The following CCDC73 variants were observed in gnomAD, a reference collection of about 807,000 sequenced individuals.
CCDC73 encodes coiled-coil domain-containing protein 73.
CCDC73 carries 95 observed loss-of-function variants against 116.5 expected under a neutral mutation model. The ratio of observed to expected loss-of-function variants is 0.82; its 90% confidence interval spans 0.69 to 0.97. The LOEUF is 0.97. Ranked by LOEUF, CCDC73 falls within the 50% of genes least tolerant of loss-of-function variation. The probability of loss-of-function intolerance (pLI) is 0.00; values close to 1 mark genes in which losing one functional copy is unlikely to be tolerated. For missense variants in CCDC73, 1,066 were observed against 1,206.8 expected, an observed-to-expected ratio of 0.88 and a Z score of 1.73; for synonymous variants, 398 against 401.3, an observed-to-expected ratio of 0.99 and a Z score of 0.10.
chr11:32,678,696 C>T (rs1323866909), intron 7 of CCDC73, among the ~76,000 whole-genome samples: 4 of 151,856 alleles, frequency 2.6e-5, no homozygotes, highest in Non-Finnish European at 5.9e-5. Flanking sequence ...CCAGCCTGGC[C>T]AACATGGTGA....
At chr11:32,786,857 T>G (rs930295122) in intron 1 of CCDC73, among the ~76,000 whole-genome samples, 2 of 152,162 alleles carry the variant, frequency 1.3e-5, no homozygotes, top group Admixed American at 6.5e-5. Context: ...TAATTTGACC[T>G]GTAGATAGTC....
intron 3 of CCDC73, among the ~76,000 whole-genome samples, chr11:32,715,962 C>T (rs1019272588): frequency 2.0e-5 from 3 of 152,042 alleles, no homozygotes; most frequent in African/African-American, 7.2e-5. Flanking sequence ...CAATCCCCAT[C>T]AATATCCTCC....
At chr11:32,668,703 G>A (rs1450821752) in intron 9 of CCDC73, among the ~76,000 whole-genome samples, 1 of 152,074 alleles carries the variant, frequency 6.6e-6, no homozygotes, top group South Asian at 2.1e-4. Flanking sequence ...CTCCATTCAA[G>A]GTAACAACCA....
intron 13 of CCDC73, among the ~76,000 whole-genome samples, chr11:32,638,148 T>C (rs143816316): frequency 4.6e-4 from 70 of 152,348 alleles, no homozygotes; most frequent in Middle Eastern, 6.8e-3. Flanking sequence ...TCCCTCTTCA[T>C]TGTGGTACTG....
chr11:32,683,057 G>A (rs1856162752), intron 7 of CCDC73: 1 of 155,764 alleles, frequency 6.4e-6, no homozygotes, highest in Non-Finnish European at 1.4e-5. Context: ...CAATAATTTG[G>A]GAACTGTGTA....
chr11:32,788,061 C>T (rs1850643391), intron 1 of CCDC73, among the ~76,000 whole-genome samples: 1 of 152,216 alleles, frequency 6.6e-6, no homozygotes, highest in Non-Finnish European at 1.5e-5. Flanking sequence ...CGTTATACTG[C>T]AAATTCCTTG....
chr11:32,730,918 C>G (rs1850071246), intron 2 of CCDC73, among the ~76,000 whole-genome samples: 1 of 152,116 alleles, frequency 6.6e-6, no homozygotes, highest in African/African-American at 2.4e-5. Context: ...GCTTGTCGGA[C>G]AGTAAGTGCA....
intron 2 of CCDC73, among the ~76,000 whole-genome samples, chr11:32,748,648 G>A (rs141632353): frequency 6.6e-6 from 1 of 152,268 alleles, no homozygotes; most frequent in African/African-American, 2.4e-5. Context: ...TATTACCAGT[G>A]AGTTTTACCT....
At chr11:32,805,576 T>C in the CCDC73 span, among the ~76,000 whole-genome samples, 4 of 152,164 alleles carry the variant, frequency 2.6e-5, no homozygotes, top group Non-Finnish European at 4.4e-5. Flanking sequence ...AACAAAAATA[T>C]AAAACACAAA....
chr11:32,625,318 C>T (rs1006835123), intron 14 of CCDC73, among the ~76,000 whole-genome samples: 7 of 152,166 alleles, frequency 4.6e-5, no homozygotes, highest in African/African-American at 1.7e-4. Flanking sequence ...TTGATCCTGT[C>T]ATTATGATGT....
At chr11:32,669,932 C>T (rs1009078338) in intron 9 of CCDC73, among the ~76,000 whole-genome samples, 6 of 152,162 alleles carry the variant, frequency 3.9e-5, no homozygotes, top group Admixed American at 3.9e-4. Flanking sequence ...CATGGGAGTG[C>T]AGATATCTCT....
intron 9 of CCDC73, among the ~76,000 whole-genome samples, chr11:32,661,160 G>A (rs565562855): frequency 1.3e-5 from 2 of 152,256 alleles, no homozygotes; most frequent in East Asian, 3.9e-4. Flanking sequence ...CCTTCAAGGT[G>A]GTGACATGCT....
At chr11:32,678,720 T>C (rs558540413) in intron 7 of CCDC73, among the ~76,000 whole-genome samples, 1 of 151,816 alleles carries the variant, frequency 6.6e-6, no homozygotes, top group Non-Finnish European at 1.5e-5. Flanking sequence ...CTGTCTCTAC[T>C]AAAAATACAA....
chr11:32,783,214 T>C (rs984704960), intron 1 of CCDC73, among the ~76,000 whole-genome samples: 1 of 151,806 alleles, frequency 6.6e-6, no homozygotes, highest in Non-Finnish European at 1.5e-5. Flanking sequence ...ATTTTCAATA[T>C]CCATAATGGA....
chr11:32,740,254 T>A (rs116755602), intron 2 of CCDC73, among the ~76,000 whole-genome samples: 2,072 of 152,174 alleles, frequency 0.014, 55 homozygotes, highest in African/African-American at 0.047. Flanking sequence ...TTGGAATAGT[T>A]TGAGTAGAAT....
At chr11:32,690,823 A>C (rs1856250370) in intron 6 of CCDC73, among the ~76,000 whole-genome samples, 1 of 152,180 alleles carries the variant, frequency 6.6e-6, no homozygotes, top group African/African-American at 2.4e-5. Flanking sequence ...GGATGGACTA[A>C]TACAGGTACA....
rs759164050 is a variant in CCDC73, at chr11:32,607,080, ATTTTTTTTTTTTT to A, written c.3030+4039_3030+4051del. Among the ~76,000 whole-genome samples, 172 of 74,184 alleles carry A rather than the reference ATTTTTTTTTTTTT, an allele frequency of 2.3e-3. 1 individual carries two copies. The highest frequency in any genetic ancestry group is 9.4e-3 in the African/African-American group (156 of 16,628). 48.7% of individuals were successfully genotyped at this position (74,184 alleles called of 152,430 possible). A position where few individuals can be genotyped will look rare whatever the true frequency, so the allele number is the denominator to read the frequency against. ...GCCCACCACGCCCAGCCAAAAATAA[ATTTTTTTTTTTTT>A]TTTTTTTTTTTTTTTTTGAGACGGA... is the stretch of plus-strand genomic sequence containing the variant. On this transcript the variant is annotated intron_variant, in intron 17 of 17. Transcript: ENST00000335185.
At chr11:32,681,909 C>T (rs1375835083) in intron 7 of CCDC73, 4 of 151,656 alleles carry the variant, frequency 2.6e-5, no homozygotes, top group African/African-American at 9.7e-5. Flanking sequence ...TATAAATGTT[C>T]TGCCAGAATG....
At chr11:32,609,300 T>C (rs1224304127) in intron 17 of CCDC73, among the ~76,000 whole-genome samples, 3 of 152,196 alleles carry the variant, frequency 2.0e-5, no homozygotes, top group Non-Finnish European at 4.4e-5. Flanking sequence ...AAATTTCTTC[T>C]GCCAGATACC....
Sources: allele counts gnomAD v4.1 joint callset (sites outside exome capture counted in the v4.1 genomes callset), GRCh38; gene constraint gnomAD v4.1.1; transcripts MANE v1.5; gene names NCBI Gene and HGNC (gene_info 2026-07-23, HGNC 2026-07-21).